The following TBC1D2B variants were observed in gnomAD, a reference collection of about 807,000 sequenced individuals.
The protein encoded by TBC1D2B is TBC1 domain family, member 2B.
In TBC1D2B, 64 loss-of-function variants were observed where a neutral mutation model predicts 100.8. The ratio of observed to expected loss-of-function variants is 0.64; its 90% confidence interval spans 0.52 to 0.78. TBC1D2B has a LOEUF of 0.78. TBC1D2B is among the 30% of genes least tolerant of loss of function. The pLI is 0.00. For missense variants in TBC1D2B, 1,052 were observed against 1,218.4 expected (o/e 0.86, Z 2.03); for synonymous variants, 480 against 479.7 (o/e 1.00, Z -0.01).
chr15:78,019,256 G>A (rs1200587475), intron 6 of TBC1D2B, among the ~76,000 whole-genome samples: 2 of 152,152 alleles, frequency 1.3e-5, no homozygotes, highest in African/African-American at 2.4e-5. Context: ...CAGGTGCCCC[G>A]TGCTAGGCAT....
intron 1 of TBC1D2B, among the ~76,000 whole-genome samples, chr15:78,068,377 C>CCACACCCA (rs1458372879): frequency 1.0e-5 from 1 of 99,942 alleles, no homozygotes; most frequent in African/African-American, 3.8e-5. Context: ...AGCACACACA[C>CCACACCCA]CACACCCACA....
intron 1 of TBC1D2B, among the ~76,000 whole-genome samples, chr15:78,061,037 G>A (rs1157905483): frequency 3.4e-5 from 5 of 149,168 alleles, no homozygotes; most frequent in East Asian, 2.0e-4. Context: ...CTTGAGCCCC[G>A]GAGTTCAAGA....
chr15:78,044,910 T>C lies in TBC1D2B; in HGVS notation c.673A>G (p.Asn225Asp), dbSNP rs2073164854. Residue 225 changes from asparagine to aspartate, a missense_variant, in exon 3 of 13, where the codon AAT becomes GAT. Physicochemically the swap from Asn to Asp is conservative, Grantham distance 23 (BLOSUM62 1). Coordinates refer to ENST00000300584, the MANE Select transcript of TBC1D2B (RefSeq NM_144572.2). ...INFYSLKQWG[N>D]ELKNSMSSFR... ...TTTCTAAAGACTCACTTGAGCTCAT[T>C]GCCCCACTGTTTCAAAGAGTAAAAA... 1 of 1,610,876 alleles carries C rather than the reference T, an allele frequency of 6.2e-7. No individual in the cohort carries two copies. Among genetic ancestry groups the C allele is most frequent in the Non-Finnish European group, 8.5e-7 (1 of 1,178,210 alleles).
At chr15:78,016,920 T>C in intron 7 of TBC1D2B, 181 bp from the exon 8 acceptor site, 1 of 551,834 alleles carries the variant, frequency 1.8e-6, no homozygotes, top group Non-Finnish European at 3.1e-6. Flanking sequence ...TAAAATGGCC[T>C]GCAGTGGGTT....
chr15:78,012,149 G>A (rs2072247796), intron 9 of TBC1D2B, among the ~76,000 whole-genome samples: 1 of 152,226 alleles, frequency 6.6e-6, no homozygotes, highest in Admixed American at 6.5e-5. Context: ...TGCAAGGACA[G>A]CAGTAAGCAG....
chr15:78,039,779 C>A (rs1340546252), intron 3 of TBC1D2B, among the ~76,000 whole-genome samples: 4 of 151,632 alleles, frequency 2.6e-5, no homozygotes, highest in African/African-American at 4.9e-5. Context: ...CACACACACA[C>A]ACACACGCAA....
intron 1 of TBC1D2B, among the ~76,000 whole-genome samples, chr15:78,068,681 G>C (rs1238447450): frequency 6.6e-6 from 1 of 152,156 alleles, no homozygotes. Flanking sequence ...AGTCTCCCCA[G>C]GGATCCTCTC....
At chr15:78,050,149 C>T (rs1295383141) in intron 2 of TBC1D2B, among the ~76,000 whole-genome samples, 3 of 152,150 alleles carry the variant, frequency 2.0e-5, no homozygotes, top group Non-Finnish European at 1.5e-5. Flanking sequence ...CTGCATCCTG[C>T]ACCGAGAGCA....
chr15:78,050,455 T>C (rs1000587854), intron 2 of TBC1D2B, among the ~76,000 whole-genome samples: 4 of 152,362 alleles, frequency 2.6e-5, no homozygotes, highest in Middle Eastern at 3.4e-3. Context: ...GCTTGTTTTC[T>C]TATTAGTTTA....
chr15:78,046,293 T>C, intron 2 of TBC1D2B, among the ~76,000 whole-genome samples: 1 of 152,258 alleles, frequency 6.6e-6, no homozygotes, highest in South Asian at 2.1e-4. Context: ...TCTGCACTGG[T>C]ATTTCAGTGG....
intron 1 of TBC1D2B, among the ~76,000 whole-genome samples, chr15:78,058,661 C>T (rs1306060061): frequency 1.3e-5 from 2 of 152,232 alleles, no homozygotes; most frequent in Non-Finnish European, 2.9e-5. Flanking sequence ...CAGGACCACA[C>T]AGCATTCACC....
intron 1 of TBC1D2B, among the ~76,000 whole-genome samples, chr15:78,057,162 G>A (rs1386218319): frequency 6.6e-6 from 1 of 152,058 alleles, no homozygotes; most frequent in African/African-American, 2.4e-5. Context: ...AAATGTAACT[G>A]GGAAACAATC....
At chr15:78,037,847 A>C (rs1322553936) in intron 3 of TBC1D2B, among the ~76,000 whole-genome samples, 1 of 152,216 alleles carries the variant, frequency 6.6e-6, no homozygotes, top group Non-Finnish European at 1.5e-5. Flanking sequence ...TTTTATTTAC[A>C]TAACAACAGT....
At chr15:78,029,979 T>C in intron 4 of TBC1D2B, 28 bp downstream of exon 4, 1 of 1,585,394 alleles carries the variant, frequency 6.3e-7, no homozygotes, top group Non-Finnish European at 8.6e-7. Flanking sequence ...GTACAGAGAA[T>C]GACAGACAAC....
At chr15:78,026,676 G>A (rs542934656) in intron 4 of TBC1D2B, among the ~76,000 whole-genome samples, 97 of 152,256 alleles carry the variant, frequency 6.4e-4, no homozygotes, top group African/African-American at 2.3e-3. Flanking sequence ...AGCACTTTGC[G>A]AGGCCGAGGC....
intron 4 of TBC1D2B, 131 bp downstream of exon 4, chr15:78,029,876 G>A (rs547176965): frequency 8.2e-6 from 5 of 607,200 alleles, no homozygotes; most frequent in South Asian, 5.5e-5. Context: ...TTTTAAGTCC[G>A]ACAAAGAGAA....
intron 3 of TBC1D2B, among the ~76,000 whole-genome samples, chr15:78,041,288 A>G (rs1406205369): frequency 2.0e-5 from 3 of 152,216 alleles, no homozygotes; most frequent in Non-Finnish European, 2.9e-5. Context: ...TTACAATAAT[A>G]AGTACAACGG....
intron 3 of TBC1D2B, among the ~76,000 whole-genome samples, chr15:78,041,354 T>G (rs2073091220): frequency 6.6e-6 from 1 of 152,246 alleles, no homozygotes; most frequent in South Asian, 2.1e-4. Context: ...GTAGCTCAGC[T>G]GGTGGGGGCA....
Position 78,016,683 on chromosome 15 carries a change from G to C in TBC1D2B, c.1638C>G (p.Leu546=), listed in dbSNP as rs1216728648. The C allele has an allele frequency of 6.2e-7, 1 of 1,603,684 alleles. No homozygotes were observed. Among genetic ancestry groups the C allele is most frequent in the Non-Finnish European group, 8.5e-7 (1 of 1,176,140 alleles). Residue 546 remains leucine, a synonymous_variant, in exon 8 of 13, where the codon CTC becomes CTG. Coordinates refer to ENST00000300584, the MANE Select transcript of TBC1D2B (RefSeq NM_144572.2). The part of the protein sequence containing the change: ...CQIESKYLIL[L]QEMKTPVCSE... ...AGCACACTGGTGTCTTCATTTCTTGGAGCAATATCAGGTATTTACTTTCTA... is the reference window on the plus strand; with the variant it reads ...AGCACACTGGTGTCTTCATTTCTTGCAGCAATATCAGGTATTTACTTTCTA...
Sources: gnomAD v4.1 joint callset for allele counts (sites outside exome capture counted in the v4.1 genomes callset) on GRCh38, gnomAD v4.1.1 for gene constraint, MANE v1.5 for transcripts, NCBI Gene and HGNC (gene_info 2026-07-23, HGNC 2026-07-21) for gene names.